Variants in STPG4 observed in about 807,000 individuals in gnomAD.
STPG4 encodes the protein protein STPG4.
STPG4 carries 41 observed loss-of-function variants against 31.5 expected under a neutral mutation model. That is an observed-to-expected ratio of 1.30 (90% CI 1.01 to 1.69). STPG4 has a LOEUF of 1.69. Among genes scored for constraint, STPG4 ranks in the 40% most tolerant of loss-of-function variants. STPG4 has a pLI of 0.00. For missense variants in STPG4, 375 were observed against 293.4 expected, an observed-to-expected ratio of 1.28 and a Z score of -2.03; for synonymous variants, 141 against 103.0, an observed-to-expected ratio of 1.37 and a Z score of -2.24.
intron 5 of STPG4, among the ~76,000 whole-genome samples, chr2:47,116,296 T>C (rs920420731): frequency 8.5e-5 from 13 of 152,340 alleles, no homozygotes; most frequent in African/African-American, 2.6e-4. Context: ...GATATTCAAA[T>C]TGCACAAAAT....
chr2:47,116,837 A>G (rs1421924689), intron 5 of STPG4, among the ~76,000 whole-genome samples: 3 of 152,156 alleles, frequency 2.0e-5, no homozygotes, highest in African/African-American at 7.2e-5. Flanking sequence ...CAGTTAAATC[A>G]AGGGTGGTAT....
intron 5 of STPG4, among the ~76,000 whole-genome samples, chr2:47,104,198 C>T (rs924762078): frequency 3.3e-5 from 5 of 151,956 alleles, no homozygotes; most frequent in Admixed American, 6.5e-5. Flanking sequence ...GCAAAAAATG[C>T]CCACCCAGTC....
chr2:47,095,098 C>G (rs1685643886), intron 5 of STPG4, among the ~76,000 whole-genome samples: 2 of 152,194 alleles, frequency 1.3e-5, no homozygotes, highest in Non-Finnish European at 2.9e-5. Context: ...TCTATACCCC[C>G]CAATCATAAG....
At chr2:47,088,691 G>A (rs1362632367) in intron 6 of STPG4, among the ~76,000 whole-genome samples, 1 of 152,224 alleles carries the variant, frequency 6.6e-6, no homozygotes, top group East Asian at 1.9e-4. Context: ...TCAGGAAACA[G>A]CAAGAGTGGA....
At chr2:47,114,548 G>A (rs955404656) in intron 5 of STPG4, among the ~76,000 whole-genome samples, 2 of 152,036 alleles carry the variant, frequency 1.3e-5, no homozygotes, top group Admixed American at 6.6e-5. Flanking sequence ...ACTATGCATC[G>A]TCTTATCACA....
chr2:47,101,197 G>A (rs1685792549), intron 5 of STPG4, among the ~76,000 whole-genome samples: 1 of 151,774 alleles, frequency 6.6e-6, no homozygotes. Context: ...GCGGACACCG[G>A]ACTAAAAACA....
chr2:47,098,077 A>G (rs1685711193), intron 5 of STPG4, among the ~76,000 whole-genome samples: 1 of 152,128 alleles, frequency 6.6e-6, no homozygotes, highest in Non-Finnish European at 1.5e-5. Flanking sequence ...GCAGATGTAA[A>G]CATCTAAATG....
intron 5 of STPG4, among the ~76,000 whole-genome samples, chr2:47,109,204 A>G (rs1010658133): frequency 6.6e-6 from 1 of 152,252 alleles, no homozygotes; most frequent in African/African-American, 2.4e-5. Context: ...ACGCTGTTGG[A>G]AAAGCAGCAC....
At chr2:47,117,142 G>T (rs775803897) in intron 5 of STPG4, among the ~76,000 whole-genome samples, 1 of 152,248 alleles carries the variant, frequency 6.6e-6, no homozygotes, top group South Asian at 2.1e-4. Flanking sequence ...TTGCTGGGAA[G>T]CTTATCAAGC....
chr2:47,105,267 A>G (rs2103745704), intron 5 of STPG4, among the ~76,000 whole-genome samples: 1 of 152,098 alleles, frequency 6.6e-6, no homozygotes, highest in East Asian at 1.9e-4. Flanking sequence ...ATGTAGTAGC[A>G]AAAGGCTGGC....
intron 5 of STPG4, among the ~76,000 whole-genome samples, chr2:47,095,242 T>C (rs73926736): frequency 0.013 from 1,907 of 152,284 alleles, 39 homozygotes; most frequent in African/African-American, 0.043. Flanking sequence ...TTGTTGCAGA[T>C]GTAATTATTT....
At chr2:47,098,245 C>G (rs914883201) in intron 5 of STPG4, among the ~76,000 whole-genome samples, 1 of 152,240 alleles carries the variant, frequency 6.6e-6, no homozygotes, top group Non-Finnish European at 1.5e-5. Flanking sequence ...GCACTGACAG[C>G]TCCCCACAGA....
At chr2:47,117,705 G>A (rs1408690301) in intron 5 of STPG4, among the ~76,000 whole-genome samples, 1 of 152,182 alleles carries the variant, frequency 6.6e-6, no homozygotes, top group East Asian at 1.9e-4. Flanking sequence ...CACAAAGAGA[G>A]CATTGATAAA....
At chr2:47,135,334 CT>C (rs1421674897) in intron 3 of STPG4, among the ~76,000 whole-genome samples, 1 of 152,124 alleles carries the variant, frequency 6.6e-6, no homozygotes, top group Non-Finnish European at 1.5e-5. Context: ...TTGTAATCAA[CT>C]TTGAGTTCAT....
At chr2:47,112,055 T>C (rs1489497273) in intron 5 of STPG4, among the ~76,000 whole-genome samples, 1 of 152,104 alleles carries the variant, frequency 6.6e-6, no homozygotes, top group East Asian at 1.9e-4. Flanking sequence ...CATTTCTAAA[T>C]TCAAACTTAA....
At position 47,155,248 on chromosome 2, in the gene STPG4, C is replaced by G; in HGVS notation, c.4G>C (p.Asp2His). ...GAAGCGGTGGCGACGGCTGGCTGGTCCATGGTGGCCTCCTCTCTCTCTAGG... is the reference window on the plus strand; with the variant it reads ...GAAGCGGTGGCGACGGCTGGCTGGTGCATGGTGGCCTCCTCTCTCTCTAGG... MDQPAVATASTS... is the reference protein window; with the variant it reads MHQPAVATASTS... Residue 2 changes from aspartate (D) to histidine (H), a missense_variant, in exon 1 of 7, where the codon GAC becomes CAC. By Grantham distance (81) the Asp-to-His change is moderately conservative (BLOSUM62 -1). Coordinates refer to ENST00000445927, the MANE Select transcript of STPG4 (RefSeq NM_001163561.2). 4.3e-6 allele frequency: 7 copies of G among 1,614,026 alleles called. No individual in the cohort carries two copies. Among genetic ancestry groups the G allele is most frequent in the Non-Finnish European group, 5.9e-6 (7 of 1,179,952 alleles).
At chr2:47,120,277 G>A (rs1024471653) in intron 5 of STPG4, among the ~76,000 whole-genome samples, 1 of 152,224 alleles carries the variant, frequency 6.6e-6, no homozygotes, top group Non-Finnish European at 1.5e-5. Flanking sequence ...GTTGCAGTGA[G>A]CCGAGATTGT....
intron 5 of STPG4, among the ~76,000 whole-genome samples, chr2:47,122,323 C>G (rs1657304502): frequency 6.6e-6 from 1 of 152,042 alleles, no homozygotes; most frequent in African/African-American, 2.4e-5. Flanking sequence ...TTCTGATATA[C>G]AAAGCATTTT....
At chr2:47,139,586 A>T (rs1178340416) in intron 3 of STPG4, among the ~76,000 whole-genome samples, 1 of 152,132 alleles carries the variant, frequency 6.6e-6, no homozygotes, top group African/African-American at 2.4e-5. Context: ...ATCTCATGGA[A>T]AGGATAATTT....
Sources: gnomAD v4.1 joint callset for allele counts (sites outside exome capture counted in the v4.1 genomes callset) on GRCh38, gnomAD v4.1.1 for gene constraint, MANE v1.5 for transcripts, NCBI Gene and HGNC (gene_info 2026-07-23, HGNC 2026-07-21) for gene names.